MDFI: variants seen among roughly 807,000 people sequenced by gnomAD.
MDFI encodes inhibitor of MyoD family a.
In MDFI, 16 loss-of-function variants were observed where a neutral mutation model predicts 22.3. The ratio of observed to expected loss-of-function variants is 0.72; its 90% confidence interval spans 0.49 to 1.09. MDFI has a LOEUF of 1.09. Among genes scored for constraint, MDFI ranks in the 50% least tolerant of loss-of-function variants. The pLI, the probability that MDFI is intolerant of heterozygous loss-of-function variation, is 0.00. For missense variants in MDFI, 314 were observed against 326.1 expected, an observed-to-expected ratio of 0.96 and a Z score of 0.29; for synonymous variants, 145 against 142.7, an observed-to-expected ratio of 1.02 and a Z score of -0.12.
rs111880990 is a variant in MDFI at position 41,639,109 on chromosome 6, C to T, written c.76+284C>T. The T allele has an allele frequency of 3.0e-3, 1,595 of 530,400 alleles. 37 individuals carry two copies. The African/African-American group carries it at 0.031, about 10-fold the overall frequency. The allele number at this position is 530,400 out of a possible 1,614,324, so 32.9% of individuals were successfully genotyped here. A position where few individuals can be genotyped will look rare whatever the true frequency, so the allele number is the denominator to read the frequency against. On this transcript the variant is annotated intron_variant, in intron 2 of 4. Transcript: ENST00000230321. Reference sequence around the variant, plus strand: ...ACACACACACACACAAACACACACACATACACTCCGCGGTGTCTGTCCGTC... The same window carrying T: ...ACACACACACACACAAACACACACATATACACTCCGCGGTGTCTGTCCGTC...
Position 41,642,335 on chromosome 6 carries a change from C to G in MDFI, c.76+3510C>G, listed in dbSNP as rs558109260. Among the ~76,000 whole-genome samples the G allele has an allele frequency of 4.6e-5, 7 of 152,308 alleles. No individual in the cohort carries two copies. The East Asian group carries it at 1.2e-3, about 25-fold the overall frequency. ...ACATCCACACGGGGGGCCTCCTTCA[C>G]CTTTGCTGGCCACCCCCTTGCCTCC... On this transcript the variant is annotated intron_variant, in intron 2 of 4. Transcript: ENST00000230321.
chr6:41,648,816 G>A (rs1365108356), intron 3 of MDFI, among the ~76,000 whole-genome samples: 2 of 152,336 alleles, frequency 1.3e-5, no homozygotes, highest in African/African-American at 4.8e-5. Flanking sequence ...CCTGAGCGAG[G>A]AGCAGGAAGG....
chr6:41,639,893 A>G (rs1767784889), intron 2 of MDFI: 4 of 985,192 alleles, frequency 4.1e-6, no homozygotes, highest in Non-Finnish European at 4.8e-6. Flanking sequence ...CTGTTCTAGG[A>G]GGCCCCTCTC....
intron 2 of MDFI, among the ~76,000 whole-genome samples, chr6:41,645,275 C>T (rs895458460): frequency 1.8e-4 from 28 of 152,090 alleles, no homozygotes; most frequent in Admixed American, 1.2e-3. Context: ...CACCTCCCAT[C>T]CCCCATCCCT....
At chr6:41,650,612 C>T (rs1462279724) in intron 4 of MDFI, among the ~76,000 whole-genome samples, 3 of 130,732 alleles carry the variant, frequency 2.3e-5, no homozygotes, top group Non-Finnish European at 4.6e-5. Context: ...CTTGCTCTGT[C>T]GCCCAGGCTG....
intron 2 of MDFI, 35 bp from the exon 3 acceptor site, chr6:41,646,091 G>A (rs775766364): frequency 3.5e-6 from 5 of 1,432,574 alleles, no homozygotes; most frequent in Admixed American, 2.8e-5. Flanking sequence ...GAAGGCCCCA[G>A]GAAAATGGAC....
chr6:41,645,529 C>T (rs1400014047), intron 2 of MDFI, among the ~76,000 whole-genome samples: 1 of 152,056 alleles, frequency 6.6e-6, no homozygotes, highest in Non-Finnish European at 1.5e-5. Context: ...CAGTTTCTCC[C>T]GTCTCCCTCC....
At position 41,646,256 on chromosome 6, in the gene MDFI, C is replaced by G. The variant is rs139421635; in HGVS notation, c.207C>G (p.Ile69Met). 4.1e-5 allele frequency: 65 copies of G among 1,569,192 alleles called. No individual in the cohort carries two copies. Among genetic ancestry groups the G allele is most frequent in the Non-Finnish European group, 5.3e-5 (61 of 1,159,402 alleles). The change falls in exon 3 of 5, where the codon ATC (isoleucine) becomes ATG (methionine). Residue 69 changes from isoleucine (I) to methionine (M), a missense_variant. Transcript: ENST00000230321. ...TPMPQGNGPG[I>M]PQGLDSTDLD... ...TGCCCCAAGGCAATGGCCCTGGCAT[C>G]CCCCAGGGCCTGGACAGCACTGACC...
upstream of MDFI, chr6:41,638,369 T>A (rs527389993): frequency 1.3e-5 from 2 of 158,848 alleles, no homozygotes; most frequent in East Asian, 3.8e-4. This position sits in a 1 kb window ranked among gnomAD's most constrained non-coding sequence, Gnocchi z 7.6. Context: ...GAGGGGCGAC[T>A]GAGAAGGCGA....
intron 2 of MDFI, among the ~76,000 whole-genome samples, chr6:41,641,379 A>G (rs917858582): frequency 9.2e-5 from 14 of 152,204 alleles, no homozygotes; most frequent in African/African-American, 3.4e-4. Context: ...GAAGAGGTGA[A>G]GTTTGAGCTT....
At position 41,644,183 on chromosome 6, in the gene MDFI, G is replaced by A. The variant is rs953143307; in HGVS notation, c.77-1943G>A. ...TCCTCCTTGTCCAAATCCTCTGATC[G>A]TCCAAAAGCTATTTGATTTCCCAAT... On this transcript the variant is annotated intron_variant, in intron 2 of 4. Transcript: ENST00000230321. Among the ~76,000 whole-genome samples the A allele has an allele frequency of 4.6e-5, 7 of 152,140 alleles. 1 individual carries two copies. The South Asian group carries it at 1.0e-3, about 23-fold the overall frequency.
chr6:41,653,852 A>G lies in MDFI; in HGVS notation c.*277A>G, dbSNP rs1441367593. ...CATACATTGCTGAGGACCTGACAGG[A>G]CAACCTAGGGGCAGGGCTGGGGTGG... On this transcript the variant is annotated 3_prime_UTR_variant, in exon 5 of 5. Coordinates refer to ENST00000230321, the MANE Select transcript of MDFI (RefSeq NM_005586.4). The surrounding 1 kb of genome is among the most constrained non-coding windows in gnomAD (Gnocchi z 4.2). 1.9e-6 allele frequency: 1 copy of G among 522,086 alleles called. No individual in the cohort carries two copies. The highest frequency in any genetic ancestry group is 1.9e-5 in the African/African-American group (1 of 52,338). 32.3% of individuals were successfully genotyped at this position (522,086 alleles called of 1,614,324 possible).
chr6:41,639,221 C>A, intron 2 of MDFI: 1 of 985,224 alleles, frequency 1.0e-6, no homozygotes, highest in African/African-American at 1.7e-5. Context: ...CTGAATCTTT[C>A]TCTACTTCCC....
chr6:41,649,573 A>G, intron 3 of MDFI, 46 bp from the exon 4 acceptor site: 1 of 1,483,966 alleles, frequency 6.7e-7, no homozygotes, highest in Non-Finnish European at 9.1e-7. Flanking sequence ...TGGGGGCCGA[A>G]TGACCCCCAC....
At chr6:41,642,469 G>C (rs1438659270) in intron 2 of MDFI, among the ~76,000 whole-genome samples, 1 of 152,150 alleles carries the variant, frequency 6.6e-6, no homozygotes, top group Non-Finnish European at 1.5e-5. Flanking sequence ...TGGGCTCTTG[G>C]CGCCTCTGCC....
intron 3 of MDFI, among the ~76,000 whole-genome samples, chr6:41,647,340 G>A (rs113229668): frequency 2.0e-5 from 3 of 152,166 alleles, no homozygotes; most frequent in Non-Finnish European, 4.4e-5. Flanking sequence ...TGTCCACGTC[G>A]CCCAGATCCT....
chr6:41,649,956 G>T, intron 4 of MDFI, 113 bp downstream of exon 4: 1 of 902,966 alleles, frequency 1.1e-6, no homozygotes, highest in Non-Finnish European at 1.7e-6. Flanking sequence ...AGAGATGCAG[G>T]ATCTCAGCCT....
intron 2 of MDFI, chr6:41,639,677 G>C: frequency 1.0e-6 from 1 of 985,432 alleles, no homozygotes; most frequent in Non-Finnish European, 1.2e-6. Flanking sequence ...CAGGAGTGTG[G>C]ACCCGGATTT....
chr6:41,638,677 T>A lies in MDFI; in HGVS notation c.-12+25T>A. 2 of 1,467,030 alleles carry A rather than the reference T, an allele frequency of 1.4e-6. No individual in the cohort carries two copies. The highest frequency in any genetic ancestry group is 2.4e-4 in the Middle Eastern group (1 of 4,250). The allele number at this position is 1,467,030 out of a possible 1,614,324, so 90.9% of individuals were successfully genotyped here. On this transcript the variant is annotated intron_variant, in intron 1 of 4. Coordinates refer to ENST00000230321, the MANE Select transcript of MDFI (RefSeq NM_005586.4). This position sits in a 1 kb window ranked among gnomAD's most constrained non-coding sequence, Gnocchi z 7.6. ...AGTGAGTGGACGTGGGAGGCGCGCA[T>A]CTGCGGGGGAATCGCCCCTTGCCCG... is the stretch of plus-strand genomic sequence containing the variant.
Sources: gnomAD v4.1 joint callset for allele counts (sites outside exome capture counted in the v4.1 genomes callset) on GRCh38, gnomAD v4.1.1 for gene constraint, Gnocchi (gnomAD v3.1) non-coding constraint, MANE v1.5 for transcripts, NCBI Gene and HGNC (gene_info 2026-07-23, HGNC 2026-07-21) for gene names.